FARP2: variants seen among roughly 807,000 people sequenced by gnomAD.
FARP2 encodes FERM, ARH/RhoGEF and pleckstrin domain protein 2, also known as FERM, ARHGEF and pleckstrin domain-containing protein 2.
In FARP2, 111 loss-of-function variants were observed where a neutral mutation model predicts 130.5. That is an observed-to-expected ratio of 0.85 (90% CI 0.73 to 1.00). The LOEUF is 1.00. FARP2 is among the 50% of genes least tolerant of loss of function. The pLI, the probability that FARP2 is intolerant of heterozygous loss-of-function variation, is 0.00. For missense variants in FARP2, 1,385 were observed against 1,346.3 expected (o/e 1.03, Z -0.45); for synonymous variants, 504 against 516.9 (o/e 0.98, Z 0.34).
chr2:241,428,047 T>G (rs1039212812), intron 8 of FARP2, among the ~76,000 whole-genome samples: 16 of 152,246 alleles, frequency 1.1e-4, no homozygotes, highest in African/African-American at 3.6e-4. Flanking sequence ...ATTACAGGCA[T>G]GAGCCACCAC....
At chr2:241,493,571 G>C (rs2124927890) in intron 26 of FARP2, 127 bp downstream of exon 26, 1 of 799,306 alleles carries the variant, frequency 1.3e-6, no homozygotes, top group Non-Finnish European at 2.0e-6. Flanking sequence ...AATGCTTCCA[G>C]CATTTCCAAA....
chr2:241,414,715 A>G (rs542025465), intron 7 of FARP2, among the ~76,000 whole-genome samples: 5 of 152,340 alleles, frequency 3.3e-5, no homozygotes, highest in Admixed American at 1.3e-4. Flanking sequence ...GTCATGAGAT[A>G]TACAGATGCG....
At position 241,483,500 on chromosome 2, in the gene FARP2, CAAG is replaced by C. The variant is rs757767370; in HGVS notation, c.2302_2304del (p.Lys768del). 6.2e-7 allele frequency: 1 copy of C among 1,614,236 alleles called. No individual in the cohort carries two copies. Among genetic ancestry groups the C allele is most frequent in the Non-Finnish European group, 8.5e-7 (1 of 1,180,014 alleles). On this transcript the variant is annotated inframe_deletion, in exon 20 of 27. Coordinates refer to ENST00000264042, the MANE Select transcript of FARP2 (RefSeq NM_014808.4). ...GTGAGGGCTGCCTTCACAAGCTCACCAAGAAGGGCCTGCAGCAGAGGATGTTTT... is the reference window on the plus strand; with the variant it reads ...GTGAGGGCTGCCTTCACAAGCTCACCAAGGGCCTGCAGCAGAGGATGTTTT...
At chr2:241,484,914 A>G (rs2064714443) in intron 21 of FARP2, among the ~76,000 whole-genome samples, 1 of 152,124 alleles carries the variant, frequency 6.6e-6, no homozygotes, top group Non-Finnish European at 1.5e-5. Flanking sequence ...CGGTACAGAC[A>G]GGTAGCCAAG....
intron 19 of FARP2, chr2:241,479,033 T>A: frequency 1.9e-6 from 1 of 539,614 alleles, no homozygotes; most frequent in Non-Finnish European, 3.4e-6. Flanking sequence ...ATTTACTCTT[T>A]CCCAAGATGC....
At chr2:241,405,497 A>G (rs955997832) in intron 4 of FARP2, 2 of 152,254 alleles carry the variant, frequency 1.3e-5, no homozygotes, top group Admixed American at 1.3e-4. Context: ...ACTATTATAA[A>G]TTGAAGAAAA....
chr2:241,492,931 C>G lies in FARP2; in HGVS notation c.2790C>G (p.Asn930Lys). The G allele has an allele frequency of 6.3e-7, 1 of 1,599,396 alleles. No individual in the cohort carries two copies. The highest frequency in any genetic ancestry group is 1.1e-5 in the South Asian group (1 of 90,710). Residue 930 changes from asparagine to lysine, a missense_variant and splice_region_variant, in exon 25 of 27, where the codon AAC becomes AAG. Coordinates refer to ENST00000264042, the MANE Select transcript of FARP2 (RefSeq NM_014808.4). ...CTGCATTTTTCCTTTATTGACAGAACCAGCTTTCAGGATATCTGCTAAGAA... is the reference window on the plus strand; with the variant it reads ...CTGCATTTTTCCTTTATTGACAGAAGCAGCTTTCAGGATATCTGCTAAGAA... ...SRADHSAAVE[N>K]QLSGYLLRKF...
chr2:241,425,269 C>A (rs1019850841), intron 8 of FARP2, among the ~76,000 whole-genome samples: 1 of 152,002 alleles, frequency 6.6e-6, no homozygotes, highest in Non-Finnish European at 1.5e-5. Context: ...GACACAGGCA[C>A]AGGAAGGATT....
chr2:241,487,376 A>C (rs2064775965), intron 21 of FARP2, among the ~76,000 whole-genome samples: 1 of 152,186 alleles, frequency 6.6e-6, no homozygotes, highest in African/African-American at 2.4e-5. Flanking sequence ...GTATAGTCAA[A>C]AATGCATTTA....
At position 241,494,280 on chromosome 2, in the gene FARP2, G is replaced by A. The variant is rs776210488; in HGVS notation, c.*155G>A. ...GTGGGTGGGCCTCATGTAACATCTG[G>A]GAGGGGCTTCATCCCCCCACCCAGG... On this transcript the variant is annotated 3_prime_UTR_variant, in exon 27 of 27. Transcript: ENST00000264042. This position sits in a 1 kb window ranked among gnomAD's most constrained non-coding sequence, Gnocchi z 4.9. 2.3e-6 allele frequency: 1 copy of A among 432,326 alleles called. No homozygotes were observed. Among genetic ancestry groups the A allele is most frequent in the Admixed American group, 4.4e-5 (1 of 22,864 alleles). The allele number at this position is 432,326 out of a possible 1,614,324, so 26.8% of individuals were successfully genotyped here.
chr2:241,452,316 C>T (rs545304786), intron 13 of FARP2, among the ~76,000 whole-genome samples: 1 of 152,196 alleles, frequency 6.6e-6, no homozygotes, highest in South Asian at 2.1e-4. Context: ...TGCAACAGCC[C>T]ATACAAAATC....
At chr2:241,415,598 A>AG (rs2062643986) in intron 7 of FARP2, among the ~76,000 whole-genome samples, 1 of 152,166 alleles carries the variant, frequency 6.6e-6, no homozygotes. Flanking sequence ...AGCTAGGCAG[A>AG]GGGCAGATAC....
At position 241,364,000 on chromosome 2, in the gene FARP2, G is replaced by A. The variant is rs898157133; in HGVS notation, c.-25+7612G>A. ...GTCTGCAGATTTGTGGCCTCCATGA[G>A]CTTGACCTCCTAGTGTTTATCCTGG... On this transcript the variant is annotated intron_variant, in intron 1 of 26. Coordinates refer to ENST00000264042, the MANE Select transcript of FARP2 (RefSeq NM_014808.4). 1.3e-5 allele frequency among the ~76,000 whole-genome samples: 2 copies of A among 152,236 alleles called. 1 individual carries two copies. Among genetic ancestry groups the A allele is most frequent in the Non-Finnish European group, 2.9e-5 (2 of 68,034 alleles).
intron 17 of FARP2, chr2:241,466,404 C>T (rs761875032): frequency 2.9e-5 from 29 of 985,306 alleles, no homozygotes; most frequent in African/African-American, 3.5e-5. Flanking sequence ...GTGCCAGGCC[C>T]GCTGTGGGTG....
intron 8 of FARP2, among the ~76,000 whole-genome samples, chr2:241,420,732 C>T (rs888739365): frequency 1.3e-5 from 2 of 152,186 alleles, no homozygotes; most frequent in Non-Finnish European, 2.9e-5. Flanking sequence ...TGCTCTGCTA[C>T]TTTTTAGCAG....
At chr2:241,484,158 G>C in intron 20 of FARP2, 84 bp from the exon 21 acceptor site, 1 of 1,588,306 alleles carries the variant, frequency 6.3e-7, no homozygotes, top group East Asian at 2.3e-5. Context: ...ATGTCCACAT[G>C]ATGAGCAGCC....
Position 241,489,959 on chromosome 2 carries a change from C to G in FARP2, c.2422-3C>G. 6.2e-7 allele frequency: 1 copy of G among 1,600,252 alleles called. No individual in the cohort carries two copies. On this transcript the variant is annotated splice_region_variant and splice_polypyrimidine_tract_variant and intron_variant, in intron 21 of 26. Transcript: ENST00000264042. The stretch of plus-strand genomic sequence containing the variant: ...AGACTTGGACCGTTTCTCCCACCCA[C>G]AGGTGGAAGAAAGTGATAACGAGTG...
chr2:241,472,682 T>A (rs760740535), intron 18 of FARP2, among the ~76,000 whole-genome samples: 1 of 151,954 alleles, frequency 6.6e-6, no homozygotes, highest in Non-Finnish European at 1.5e-5. Context: ...GGGGACTCTG[T>A]TCTGAGGGGA....
In FARP2 at chr2:241,441,395, C is replaced by G. The variant is rs2063380048; in HGVS notation, c.1250C>G (p.Ser417Cys). 2 of 1,614,264 alleles carry G rather than the reference C, an allele frequency of 1.2e-6. No homozygotes were observed. Among genetic ancestry groups the G allele is most frequent in the African/African-American group, 1.3e-5 (1 of 75,078 alleles). ...YSLSPSTLVP[S>C]GLPEFKDSSS... ...CTCTCTCCCTCCACTCTGGTCCCCT[C>G]TGGCCTGCCAGAGTTTAAGGACAGC... The change falls in exon 13 of 27, where the codon TCT (serine) becomes TGT (cysteine). Residue 417 changes from serine to cysteine, a missense_variant. Transcript: ENST00000264042.
Sources: allele counts gnomAD v4.1 joint callset (sites outside exome capture counted in the v4.1 genomes callset), GRCh38; gene constraint gnomAD v4.1.1; non-coding constraint Gnocchi (gnomAD v3.1); transcripts MANE v1.5; gene names NCBI Gene and HGNC (gene_info 2026-07-23, HGNC 2026-07-21).